The following STK24 variants were observed in gnomAD, a reference collection of about 807,000 sequenced individuals.
STK24 encodes the protein serine/threonine-protein kinase 24.
In STK24, 21 loss-of-function variants were observed where a neutral mutation model predicts 55.6. The observed-to-expected ratio is 0.38, with a 90% CI of 0.27 to 0.54. STK24 has a LOEUF of 0.54. Ranked by LOEUF, STK24 falls within the 20% of genes least tolerant of loss-of-function variation. The pLI is 0.79. For synonymous variants in STK24, 200 were observed against 215.2 expected (o/e 0.93, Z 0.62); for missense variants, 383 against 538.4 (o/e 0.71, Z 2.86).
At chr13:98,487,485 GC>G (rs1273330621) in intron 2 of STK24, among the ~76,000 whole-genome samples, 2 of 152,154 alleles carry the variant, frequency 1.3e-5, no homozygotes, top group Admixed American at 1.3e-4. Context: ...CCCACCCTGG[GC>G]CCCCATTACC....
chr13:98,473,739 C>T (rs749666614), intron 5 of STK24, among the ~76,000 whole-genome samples: 71 of 152,228 alleles, frequency 4.7e-4, no homozygotes, highest in Non-Finnish European at 7.6e-4. Context: ...TCACAGCCAC[C>T]GCTACCACTC....
At chr13:98,499,067 C>T (rs1436199315) in intron 2 of STK24, among the ~76,000 whole-genome samples, 1 of 152,084 alleles carries the variant, frequency 6.6e-6, no homozygotes, top group Non-Finnish European at 1.5e-5. Flanking sequence ...GCCAACATGG[C>T]GAATCCCTGT....
chr13:98,570,919 G>C (rs566293035), intron 1 of STK24, among the ~76,000 whole-genome samples: 1 of 152,280 alleles, frequency 6.6e-6, no homozygotes, highest in South Asian at 2.1e-4. Flanking sequence ...ATGGATAATA[G>C]AGTGCAACTT....
intron 1 of STK24, 79 bp from the exon 2 acceptor site, chr13:98,519,552 G>T: frequency 9.1e-7 from 1 of 1,099,928 alleles, no homozygotes; most frequent in Non-Finnish European, 1.4e-6. Context: ...TATGTGTAAT[G>T]TTATAGACCA....
At chr13:98,470,309 G>T (rs1294714620) in intron 5 of STK24, among the ~76,000 whole-genome samples, 2 of 103,188 alleles carry the variant, frequency 1.9e-5, no homozygotes, top group African/African-American at 7.5e-5. Context: ...TGGGAGTCGG[G>T]GGGGCAAGGG....
intron 1 of STK24, among the ~76,000 whole-genome samples, chr13:98,528,848 C>A (rs749307420): frequency 3.3e-5 from 5 of 152,142 alleles, no homozygotes; most frequent in Non-Finnish European, 7.4e-5. Context: ...GCTCTAATAC[C>A]CGGTACTTCT....
intron 2 of STK24, among the ~76,000 whole-genome samples, chr13:98,497,990 G>T (rs944203362): frequency 4.6e-5 from 7 of 152,158 alleles, no homozygotes; most frequent in Admixed American, 2.0e-4. Context: ...CACCTATTTT[G>T]GTACCAAGAG....
chr13:98,504,215 C>T (rs1359749524), intron 2 of STK24, among the ~76,000 whole-genome samples: 1 of 149,626 alleles, frequency 6.7e-6, no homozygotes. Flanking sequence ...AAAAAAAAAA[C>T]AAACTTTAAA....
intron 2 of STK24, among the ~76,000 whole-genome samples, chr13:98,490,951 T>C (rs1251657002): frequency 6.6e-6 from 1 of 151,956 alleles, no homozygotes; most frequent in East Asian, 1.9e-4. Context: ...ATGAGAAGTG[T>C]TCTCTGGAGA....
chr13:98,500,784 G>A (rs1895427634), intron 2 of STK24, among the ~76,000 whole-genome samples: 1 of 151,808 alleles, frequency 6.6e-6, no homozygotes, highest in South Asian at 2.1e-4. Context: ...GGCAAGTGCT[G>A]GGTAGGCCCA....
chr13:98,489,671 G>A (rs1254335875), intron 2 of STK24, among the ~76,000 whole-genome samples: 1 of 152,214 alleles, frequency 6.6e-6, no homozygotes, highest in Non-Finnish European at 1.5e-5. Context: ...GCTGCTCCCT[G>A]AAGGGCTGTG....
chr13:98,524,636 A>G (rs1896369871), intron 1 of STK24, among the ~76,000 whole-genome samples: 1 of 152,228 alleles, frequency 6.6e-6, no homozygotes, highest in Admixed American at 6.5e-5. Flanking sequence ...TTATTGTTTT[A>G]GGTTGCTAAG....
intron 1 of STK24, among the ~76,000 whole-genome samples, chr13:98,562,980 C>T (rs117529541): frequency 7.3e-5 from 11 of 149,706 alleles, no homozygotes; most frequent in Non-Finnish European, 1.2e-4. Flanking sequence ...TTTATATGAA[C>T]GTACCTGCAT....
rs1208447599 is a variant in STK24 at position 98,535,374 on chromosome 13, T to A, written c.43-15901A>T. Among the ~76,000 whole-genome samples the A allele has an allele frequency of 9.6e-4, 101 of 105,610 alleles. 1 individual carries two copies. Among genetic ancestry groups the A allele is most frequent in the South Asian group, 7.1e-3 (22 of 3,114 alleles). 69.3% of individuals were successfully genotyped at this position (105,610 alleles called of 152,430 possible). A position where few individuals can be genotyped will look rare whatever the true frequency, so the allele number is the denominator to read the frequency against. On this transcript the variant is annotated intron_variant, in intron 1 of 10. Transcript: ENST00000539966. ...CAAACAAACAAACAAAAAAAAAATA[T>A]ATATATATATATATATGTGTGTATA...
intron 1 of STK24, among the ~76,000 whole-genome samples, chr13:98,552,668 A>G (rs2139437220): frequency 6.6e-6 from 1 of 152,198 alleles, no homozygotes; most frequent in Middle Eastern, 3.4e-3. Context: ...GAGAACCCCA[A>G]GGGCAGGCAG....
At position 98,524,655 on chromosome 13, in the gene STK24, CG is replaced by C. The variant is rs1359422464; in HGVS notation, c.43-5183del. ...TGTTTTAGGTTGCTAAGTGATATAG[CG>C]GTTTCTTGGTTTCTTATACAACAAC... On this transcript the variant is annotated intron_variant, in intron 1 of 10. Coordinates refer to ENST00000539966, the MANE Select transcript of STK24 (RefSeq NM_001032296.4). Among the ~76,000 whole-genome samples the C allele has an allele frequency of 5.3e-5, 8 of 152,294 alleles. No homozygotes were observed. In the East Asian group the frequency reaches 1.5e-3, roughly 29 times the overall value.
rs139715525 is a variant in STK24 at position 98,478,544 on chromosome 13, C to T, written c.331-3186G>A. 7.7e-4 allele frequency among the ~76,000 whole-genome samples: 117 copies of T among 152,302 alleles called. No homozygotes were observed. The East Asian group carries it at 8.1e-3, about 11-fold the overall frequency. The stretch of plus-strand genomic sequence containing the variant: ...GCTGAAGCCACCCACCAGCACAGAC[C>T]GTGACGGTATGGACCAGAGCCACTG... On this transcript the variant is annotated intron_variant, in intron 3 of 10. Transcript: ENST00000539966.
chr13:98,537,668 A>C (rs560372444), intron 1 of STK24, among the ~76,000 whole-genome samples: 2 of 152,272 alleles, frequency 1.3e-5, no homozygotes, highest in South Asian at 4.1e-4. Flanking sequence ...GTGAGACAGA[A>C]GCAAGAGGAG....
intron 1 of STK24, among the ~76,000 whole-genome samples, chr13:98,551,399 C>T (rs1297181085): frequency 1.3e-5 from 2 of 151,790 alleles, no homozygotes; most frequent in African/African-American, 4.8e-5. Context: ...CAAGGCTATT[C>T]TGAGTTATCT....
Sources: allele counts gnomAD v4.1 joint callset (sites outside exome capture counted in the v4.1 genomes callset), GRCh38; gene constraint gnomAD v4.1.1; transcripts MANE v1.5; gene names NCBI Gene and HGNC (gene_info 2026-07-23, HGNC 2026-07-21).